The following CCSER1 variants were observed in gnomAD, a reference collection of about 807,000 sequenced individuals.
The protein encoded by CCSER1 is coiled-coil serine rich protein 1, also known as serine-rich coiled-coil domain-containing protein 1.
Under a neutral mutation model 82.0 loss-of-function variants are expected in CCSER1, and 41 were observed. The ratio of observed to expected loss-of-function variants is 0.50; its 90% CI spans 0.39 to 0.65. The LOEUF (loss-of-function observed/expected upper bound fraction) is 0.65, where lower values mean the gene tolerates loss of function less well. Among genes scored for constraint, CCSER1 ranks in the 30% least tolerant of loss-of-function variants. CCSER1 has a pLI of 0.00. For missense variants in CCSER1, 1,119 were observed against 1,064.2 expected (o/e 1.05, Z -0.72); for synonymous variants, 414 against 383.9 (o/e 1.08, Z -0.92).
At chr4:91,388,598 T>G (rs537506498) in intron 10 of CCSER1, among the ~76,000 whole-genome samples, 2 of 152,256 alleles carry the variant, frequency 1.3e-5, no homozygotes, top group South Asian at 4.1e-4. Context: ...TTGGCCATTC[T>G]TATAGGTGTG....
chr4:91,575,330 C>G (rs906089999), intron 10 of CCSER1, among the ~76,000 whole-genome samples: 3 of 151,818 alleles, frequency 2.0e-5, no homozygotes, highest in African/African-American at 7.3e-5. Flanking sequence ...GATATGACAC[C>G]AAAAACACAG....
chr4:90,530,056 A>G (rs1462914766), intron 5 of CCSER1, among the ~76,000 whole-genome samples: 1 of 152,116 alleles, frequency 6.6e-6, no homozygotes, highest in Admixed American at 6.6e-5. Context: ...GATTAAAAGC[A>G]CAAATGAACT....
chr4:91,150,577 A>C (rs535586740), intron 10 of CCSER1, among the ~76,000 whole-genome samples: 25 of 152,210 alleles, frequency 1.6e-4, no homozygotes, highest in African/African-American at 6.0e-4. Flanking sequence ...AAAGGGAGTG[A>C]TTCCAGTTTT....
rs758271493 is a variant in CCSER1, at chr4:91,010,306, C to T, written c.2173-75644C>T. 3.3e-5 allele frequency among the ~76,000 whole-genome samples: 5 copies of T among 152,228 alleles called. No homozygotes were observed. In the South Asian group the frequency reaches 6.2e-4, roughly 19 times the overall value. On this transcript the variant is annotated intron_variant, in intron 9 of 10. Transcript: ENST00000509176. The stretch of plus-strand genomic sequence containing the variant: ...TCTGATGGAGATTACCTTATGCATC[C>T]GACTTGATGTGTTTCTCTTGCTTCT...
intron 10 of CCSER1, among the ~76,000 whole-genome samples, chr4:91,132,818 T>TA (rs778362350): frequency 5.3e-4 from 80 of 152,264 alleles, no homozygotes; most frequent in Admixed American, 7.2e-4. Flanking sequence ...AAGAGAGGAA[T>TA]AAAAAACCTA....
chr4:90,214,550 T>C (rs1740660544), intron 1 of CCSER1, among the ~76,000 whole-genome samples: 2 of 122,170 alleles, frequency 1.6e-5, no homozygotes, highest in South Asian at 5.8e-4. Flanking sequence ...TTTGACATCA[T>C]GTAGCCATGC....
chr4:91,350,299 C>A (rs1317175270), intron 10 of CCSER1, among the ~76,000 whole-genome samples: 1 of 152,058 alleles, frequency 6.6e-6, no homozygotes, highest in Non-Finnish European at 1.5e-5. Flanking sequence ...TTCTCTGAAA[C>A]TTTAAGGAAA....
At chr4:91,118,346 C>T (rs1726811582) in intron 10 of CCSER1, among the ~76,000 whole-genome samples, 1 of 140,206 alleles carries the variant, frequency 7.1e-6, no homozygotes, top group Admixed American at 7.7e-5. Flanking sequence ...AGTGTAATGG[C>T]TCACTACAGC....
intron 4 of CCSER1, among the ~76,000 whole-genome samples, chr4:90,449,519 C>T (rs1260928831): frequency 6.6e-6 from 1 of 152,190 alleles, no homozygotes; most frequent in East Asian, 1.9e-4. Flanking sequence ...CTCATGGTGC[C>T]CAGGCTGTTT....
At chr4:90,416,457 A>G (rs1172551513) in intron 4 of CCSER1, among the ~76,000 whole-genome samples, 1 of 152,184 alleles carries the variant, frequency 6.6e-6, no homozygotes, top group Non-Finnish European at 1.5e-5. Flanking sequence ...CTTTCAACAA[A>G]TGATATTTCT....
intron 4 of CCSER1, among the ~76,000 whole-genome samples, chr4:90,457,318 C>A (rs749180011): frequency 6.6e-6 from 1 of 152,180 alleles, no homozygotes; most frequent in Non-Finnish European, 1.5e-5. Context: ...CAACTTTTCT[C>A]TCCTCTTTTC....
intron 8 of CCSER1, among the ~76,000 whole-genome samples, chr4:90,882,744 A>C (rs2150079144): frequency 6.6e-6 from 1 of 152,100 alleles, no homozygotes; most frequent in Middle Eastern, 3.4e-3. Flanking sequence ...TTTGAATCTA[A>C]CTTTAACACT....
At chr4:91,395,540 C>T (rs1751924546) in intron 10 of CCSER1, among the ~76,000 whole-genome samples, 1 of 152,008 alleles carries the variant, frequency 6.6e-6, no homozygotes, top group Non-Finnish European at 1.5e-5. Context: ...TTGGTGTCAA[C>T]TGAAGGATGT....
chr4:90,230,412 T>C (rs563089277), intron 1 of CCSER1, among the ~76,000 whole-genome samples: 244 of 151,820 alleles, frequency 1.6e-3, no homozygotes, highest in Non-Finnish European at 2.4e-3. Context: ...AAAGATGTTC[T>C]TTGAAACCAA....
At chr4:90,969,929 T>C (rs1357925982) in intron 9 of CCSER1, among the ~76,000 whole-genome samples, 1 of 146,576 alleles carries the variant, frequency 6.8e-6, no homozygotes, top group Non-Finnish European at 1.5e-5. Flanking sequence ...ACATAAGAAA[T>C]AAAAAAAACC....
At chr4:90,343,608 CCT>C (rs1741811816) in intron 3 of CCSER1, among the ~76,000 whole-genome samples, 1 of 152,032 alleles carries the variant, frequency 6.6e-6, no homozygotes, top group East Asian at 1.9e-4. Context: ...AGAGTGAGAC[CCT>C]GTCCCAAAAA....
chr4:91,272,596 G>A (rs1026894901), intron 10 of CCSER1, among the ~76,000 whole-genome samples: 2 of 152,066 alleles, frequency 1.3e-5, no homozygotes, highest in Non-Finnish European at 2.9e-5. Context: ...AACCTCTTTA[G>A]TTTAATTAAG....
At chr4:90,981,325 G>A (rs1736096888) in intron 9 of CCSER1, among the ~76,000 whole-genome samples, 1 of 151,620 alleles carries the variant, frequency 6.6e-6, no homozygotes, top group Non-Finnish European at 1.5e-5. Context: ...TGCTTCTAAG[G>A]AAACCCAAAT....
intron 1 of CCSER1, among the ~76,000 whole-genome samples, chr4:90,277,133 G>A (rs1373153252): frequency 1.3e-5 from 2 of 151,628 alleles, no homozygotes; most frequent in African/African-American, 2.4e-5. Context: ...TGTTAAATAC[G>A]AGTGGTTAGA....
Sources: gnomAD v4.1 joint callset for allele counts (sites outside exome capture counted in the v4.1 genomes callset) on GRCh38, gnomAD v4.1.1 for gene constraint, MANE v1.5 for transcripts, NCBI Gene and HGNC (gene_info 2026-07-23, HGNC 2026-07-21) for gene names.